ATP7A: variants seen among roughly 807,000 people sequenced by gnomAD.
ATP7A encodes the protein copper-transporting ATPase 1.
ATP7A carries 7 observed loss-of-function variants against 83.5 expected under a neutral mutation model. The ratio of observed to expected loss-of-function variants is 0.08; its 90% CI spans 0.05 to 0.16. The LOEUF (loss-of-function observed/expected upper bound fraction) is 0.16, where lower values mean the gene tolerates loss of function less well. Ranked by LOEUF, ATP7A falls within the 10% of genes least tolerant of loss-of-function variation. The pLI is 1.00. For missense variants in ATP7A, 940 were observed against 1,120.8 expected (o/e 0.84, Z 2.30); for synonymous variants, 354 against 395.2 (o/e 0.90, Z 1.24).
intron 21 of ATP7A, among the ~76,000 whole-genome samples, chrX:78,043,858 A>G (rs2078065995): frequency 9.5e-6 from 1 of 104,730 alleles, no homozygotes; most frequent in Non-Finnish European, 2.0e-5. Context: ...GGGTTTCTCC[A>G]TGTTGGCCAG....
At chrX:78,003,357 A>G in intron 6 of ATP7A, 121 bp downstream of exon 6, 2 of 693,257 alleles carry the variant, frequency 2.9e-6, no homozygotes, top group Non-Finnish European at 4.6e-6. Context: ...AGGAAACTGG[A>G]AAATGGAAGG....
At chrX:77,996,900 G>A (rs1269893237) in intron 4 of ATP7A, among the ~76,000 whole-genome samples, 1 of 107,367 alleles carries the variant, frequency 9.3e-6, no homozygotes, top group South Asian at 4.0e-4. Flanking sequence ...TTTTTTTTTT[G>A]GCTACTCAGC....
rs782577253 is a variant in ATP7A at position 78,011,613 on chromosome X, A to G, written c.2111A>G (p.Gln704Arg). 6.9e-5 allele frequency: 83 copies of G among 1,209,451 alleles called. No individual in the cohort carries two copies. In the East Asian group the frequency reaches 2.4e-3, roughly 35 times the overall value. The change falls in exon 9 of 23, where the codon CAG becomes CGG. Residue 704 changes from glutamine to arginine, a missense_variant. By Grantham distance (43) the Gln-to-Arg change is conservative. Transcript: ENST00000341514. ...CATTCTTCTATGTTCCTGGAGCGCCAGATTCTTCCAGGATTGTCTGTTATG... is the reference window on the plus strand; with the variant it reads ...CATTCTTCTATGTTCCTGGAGCGCCGGATTCTTCCAGGATTGTCTGTTATG... The part of the protein sequence containing the change: ...NLHSSMFLER[Q>R]ILPGLSVMNL...
At chrX:77,932,006 C>T (rs1408107060) in intron 1 of ATP7A, among the ~76,000 whole-genome samples, 2 of 108,893 alleles carry the variant, frequency 1.8e-5, no homozygotes, top group African/African-American at 3.3e-5. Context: ...GCTGACCCCC[C>T]CACCTCCCTC....
chrX:78,043,572 A>C (rs1213997188), intron 21 of ATP7A, 138 bp downstream of exon 21: 2 of 508,608 alleles, frequency 3.9e-6, no homozygotes, highest in Non-Finnish European at 6.9e-6. Context: ...GGTAATGTTA[A>C]AATCAATCAT....
chrX:78,014,565 G>A, intron 10 of ATP7A, 97 bp from the exon 11 acceptor site: 1 of 613,214 alleles, frequency 1.6e-6, no homozygotes, highest in Admixed American at 2.7e-5. Context: ...TCCTAAAGCT[G>A]TCTTTTGGGT....
intron 1 of ATP7A, among the ~76,000 whole-genome samples, chrX:77,918,174 C>T (rs1298186185): frequency 9.2e-6 from 1 of 108,969 alleles, no homozygotes; most frequent in Non-Finnish European, 1.9e-5. Flanking sequence ...TCAAGCAATC[C>T]TCCTACTTCA....
intron 7 of ATP7A, 107 bp from the exon 8 acceptor site, chrX:78,011,069 G>A: frequency 1.6e-6 from 1 of 644,848 alleles, no homozygotes; most frequent in East Asian, 3.4e-5. Flanking sequence ...AGAGTGACTT[G>A]CCCTCAGTAA....
At chrX:77,922,873 T>A (rs1185707838) in intron 1 of ATP7A, 1 of 112,265 alleles carries the variant, frequency 8.9e-6, no homozygotes, top group Non-Finnish European at 1.9e-5. Flanking sequence ...GTGCAGAGCC[T>A]AAAAGATACA....
intron 10 of ATP7A, 100 bp from the exon 11 acceptor site, chrX:78,014,562 G>C (rs976171985): frequency 1.7e-6 from 1 of 595,051 alleles, no homozygotes; most frequent in South Asian, 2.8e-5. Flanking sequence ...TATTCCTAAA[G>C]CTGTCTTTTG....
At chrX:77,948,418 G>A (rs947230806) in intron 1 of ATP7A, among the ~76,000 whole-genome samples, 3 of 112,101 alleles carry the variant, frequency 2.7e-5, no homozygotes, top group Admixed American at 1.9e-4. Context: ...GAGCCACCGC[G>A]CCTGGCTAAA....
intron 4 of ATP7A, among the ~76,000 whole-genome samples, chrX:77,991,080 A>G (rs2077666603): frequency 8.9e-6 from 1 of 112,136 alleles, no homozygotes; most frequent in South Asian, 3.7e-4. Context: ...TTCACATACC[A>G]TAAAATTTGC....
In ATP7A at chrX:78,038,911, A is replaced by G. The variant is rs782250966; in HGVS notation, c.3587A>G (p.Asn1196Ser). The G allele has an allele frequency of 3.1e-5, 38 of 1,209,539 alleles. No homozygotes were observed. In the Admixed American group the frequency reaches 8.1e-4, roughly 26 times the overall value. Residue 1196 changes from asparagine (N) to serine (S), a missense_variant, in exon 18 of 23, where the codon AAT (asparagine) becomes AGT (serine). Around this residue, in one of 3 missense-constraint regions of ATP7A, gnomAD observed 386 missense variants for 502.2 expected, o/e 0.77. Coordinates refer to ENST00000341514, the MANE Select transcript of ATP7A (RefSeq NM_000052.7). The stretch of plus-strand genomic sequence containing the variant: ...ATGATTAGAAATGGTCTTGTCATTA[A>G]TAACGATGTAAATGATTTCATGACT... Reference protein sequence around the residue: ...EWMIRNGLVINNDVNDFMTEH... With the variant: ...EWMIRNGLVISNDVNDFMTEH...
intron 1 of ATP7A, among the ~76,000 whole-genome samples, chrX:77,956,151 A>G (rs782177731): frequency 1.8e-5 from 2 of 111,886 alleles, no homozygotes; most frequent in South Asian, 7.4e-4. Flanking sequence ...TCCTTTGAAT[A>G]AATACCCAGT....
intron 1 of ATP7A, among the ~76,000 whole-genome samples, chrX:77,938,863 A>T: frequency 8.9e-6 from 1 of 112,244 alleles, no homozygotes. Flanking sequence ...ACAACAAAAA[A>T]ACCTCATTTT....
In ATP7A at chrX:78,013,004, A is replaced by G; in HGVS notation, c.2298A>G (p.Leu766=). 8.3e-7 allele frequency: 1 copy of G among 1,210,569 alleles called. No individual in the cohort carries two copies. Among genetic ancestry groups the G allele is most frequent in the Non-Finnish European group, 1.1e-6 (1 of 894,637 alleles). The change falls in exon 10 of 23, where the codon CTA becomes CTG. Residue 766 remains leucine (L), a synonymous_variant. Transcript: ENST00000341514. ...TTGCCTACTCTTTGATTATTCTTCT[A>G]GTTGCAATGTATGAGAGAGCCAAAG... The part of the protein sequence containing the change: ...IAFAYSLIIL[L]VAMYERAKVN...
intron 17 of ATP7A, among the ~76,000 whole-genome samples, chrX:78,034,064 A>G (rs954202813): frequency 8.9e-6 from 1 of 112,323 alleles, no homozygotes; most frequent in Non-Finnish European, 1.9e-5. Flanking sequence ...TTCTTTTGTC[A>G]CTACAACTAC....
At chrX:78,012,397 G>C (rs187540741) in intron 9 of ATP7A, among the ~76,000 whole-genome samples, 1 of 110,690 alleles carries the variant, frequency 9.0e-6, no homozygotes, top group Non-Finnish European at 1.9e-5. Flanking sequence ...AGATGGGTGA[G>C]TTTTATACAA....
At chrX:77,954,971 G>A (rs1177795669) in intron 1 of ATP7A, among the ~76,000 whole-genome samples, 25 of 110,055 alleles carry the variant, frequency 2.3e-4, no homozygotes, top group African/African-American at 8.2e-4. Context: ...AAATGAGTTG[G>A]CTTTATGAGA....
Sources: allele counts gnomAD v4.1 joint callset (sites outside exome capture counted in the v4.1 genomes callset), GRCh38; gene constraint gnomAD v4.1.1; regional missense constraint gnomAD v4.1.1; transcripts MANE v1.5; gene names NCBI Gene and HGNC (gene_info 2026-07-23, HGNC 2026-07-21).